Variants in HMCN1 observed in about 807,000 individuals in gnomAD.
HMCN1 encodes hemicentin 1.
A neutral mutation model predicts 625.9 loss-of-function variants in HMCN1; 321 were observed. The ratio of observed to expected loss-of-function variants is 0.51; its 90% CI spans 0.47 to 0.56. The LOEUF is 0.56. HMCN1 is among the 20% of genes least tolerant of loss of function. The pLI, the probability that HMCN1 is intolerant of heterozygous loss-of-function variation, is 0.00. For missense variants in HMCN1, 6,588 were observed against 6,887.3 expected, an observed-to-expected ratio of 0.96 and a Z score of 1.54; for synonymous variants, 2,425 against 2,417.6, an observed-to-expected ratio of 1.00 and a Z score of -0.09.
chr1:186,015,194 G>C lies in HMCN1; in HGVS notation c.4666G>C (p.Asp1556His). The change falls in exon 31 of 107, where the codon GAC becomes CAC. Residue 1556 changes from aspartate to histidine, a missense_variant. By Grantham distance (81) the Asp-to-His change is moderately conservative. Around this residue, in one of 3 missense-constraint regions of HMCN1, gnomAD observed 4,628 missense variants for 4,853.1 expected, o/e 0.95. Transcript: ENST00000271588. ...TATTAAAGGAGGAAATGTCACCACA[G>C]ACATATCAGTATTGATCAACAGCCT... ...PSIKGGNVTTDISVLINSLIK... is the reference protein window; with the variant it reads ...PSIKGGNVTTHISVLINSLIK... The C allele has an allele frequency of 6.2e-7, 1 of 1,613,636 alleles. No individual in the cohort carries two copies.
chr1:185,770,786 G>GA (rs2102145761), intron 1 of HMCN1, among the ~76,000 whole-genome samples: 2 of 152,280 alleles, frequency 1.3e-5, no homozygotes, highest in South Asian at 4.1e-4. Flanking sequence ...ACTATCATTT[G>GA]ATTCCAACTG....
At chr1:185,788,426 G>A (rs961855571) in intron 1 of HMCN1, among the ~76,000 whole-genome samples, 2 of 152,170 alleles carry the variant, frequency 1.3e-5, no homozygotes, top group African/African-American at 4.8e-5. Context: ...TGTAAAACAT[G>A]TGGAACTTGA....
In HMCN1 at chr1:185,911,758, A is replaced by C. The variant is rs2102455477; in HGVS notation, c.878A>C (p.Glu293Ala). The C allele has an allele frequency of 6.2e-7, 1 of 1,612,464 alleles. No homozygotes were observed. The highest frequency in any genetic ancestry group is 8.5e-7 in the Non-Finnish European group (1 of 1,178,648). The change falls in exon 6 of 107, where the codon GAG (glutamate) becomes GCG (alanine). Residue 293 changes from glutamate to alanine, a missense_variant. Around this residue, in one of 3 missense-constraint regions of HMCN1, gnomAD observed 4,628 missense variants for 4,853.1 expected, o/e 0.95. Transcript: ENST00000271588. ...AAAGTAGTGAATGTGAAAGAGCCAGAGGCTGGAATGTGGACAGTGAAGGTA... is the reference window on the plus strand; with the variant it reads ...AAAGTAGTGAATGTGAAAGAGCCAGCGGCTGGAATGTGGACAGTGAAGGTA... ...SAKVVNVKEP[E>A]AGMWTVKTSS...
rs750247429 is a variant in HMCN1 at position 186,074,738 on chromosome 1, C to T, written c.8140-3C>T. On this transcript the variant is annotated splice_region_variant and splice_polypyrimidine_tract_variant and intron_variant, in intron 52 of 106. Coordinates refer to ENST00000271588, the MANE Select transcript of HMCN1 (RefSeq NM_031935.3). ...TGCTAACATTGTTATAATTGAATCA[C>T]AGCCCCTTAAATCCGATGATCATGT... 10 of 1,612,256 alleles carry T rather than the reference C, an allele frequency of 6.2e-6. No individual in the cohort carries two copies. The highest frequency in any genetic ancestry group is 8.5e-6 in the Non-Finnish European group (10 of 1,178,754).
At position 186,039,718 on chromosome 1, in the gene HMCN1, T is replaced by C; in HGVS notation, c.6029-10T>C. 1 of 1,612,766 alleles carries C rather than the reference T, an allele frequency of 6.2e-7. No homozygotes were observed. The highest frequency in any genetic ancestry group is 8.5e-7 in the Non-Finnish European group (1 of 1,178,964). On this transcript the variant is annotated splice_polypyrimidine_tract_variant and intron_variant, in intron 38 of 106. Coordinates refer to ENST00000271588, the MANE Select transcript of HMCN1 (RefSeq NM_031935.3). ...TATTAACGTGTCTTACTTTCATTTG[T>C]TTTTTTCAGTGGCCCCATCAATTTC... is the stretch of plus-strand genomic sequence containing the variant.
intron 1 of HMCN1, among the ~76,000 whole-genome samples, chr1:185,758,497 G>A (rs1003213319): frequency 3.9e-5 from 6 of 152,100 alleles, no homozygotes; most frequent in Non-Finnish European, 5.9e-5. Flanking sequence ...TTAGCTGGGC[G>A]TGGTTGCACA....
At chr1:185,946,498 G>C (rs1668354629) in intron 11 of HMCN1, among the ~76,000 whole-genome samples, 2 of 152,140 alleles carry the variant, frequency 1.3e-5, no homozygotes, top group Admixed American at 1.3e-4. Flanking sequence ...CAAATGGGAA[G>C]GCAAGTCTAA....
chr1:185,756,326 T>C (rs1275518678), intron 1 of HMCN1, among the ~76,000 whole-genome samples: 2 of 152,052 alleles, frequency 1.3e-5, no homozygotes, highest in Non-Finnish European at 1.5e-5. Context: ...CATTGTGTCT[T>C]TAAGTTCACC....
At chr1:186,171,921 T>C (rs1049447911) in intron 101 of HMCN1, 85 bp from the exon 102 acceptor site, 3 of 1,231,088 alleles carry the variant, frequency 2.4e-6, no homozygotes, top group Admixed American at 1.9e-5. Context: ...ATAAATAATA[T>C]CCCTAAAATC....
intron 29 of HMCN1, among the ~76,000 whole-genome samples, chr1:186,004,841 T>C (rs1254939982): frequency 3.3e-5 from 5 of 151,852 alleles, no homozygotes; most frequent in Non-Finnish European, 7.4e-5. Flanking sequence ...ATGGCAAAGA[T>C]GGGAAAGCTG....
rs1654836738 is a variant in HMCN1, at chr1:186,023,250, G to A, written c.5749+97G>A. 4.6e-6 allele frequency: 5 copies of A among 1,098,178 alleles called. No homozygotes were observed. The South Asian group carries it at 5.3e-5, about 12-fold the overall frequency. 68.0% of individuals were successfully genotyped at this position (1,098,178 alleles called of 1,614,324 possible). A position where few individuals can be genotyped will look rare whatever the true frequency, so the allele number is the denominator to read the frequency against. ...ATTGAATTACAGTATAAAAGAAACA[G>A]GTGTTTATTTTCTTAGTCTGTATAA... On this transcript the variant is annotated intron_variant, in intron 36 of 106. Transcript: ENST00000271588.
At chr1:186,099,420 A>T (rs1320642550) in intron 68 of HMCN1, among the ~76,000 whole-genome samples, 1 of 152,138 alleles carries the variant, frequency 6.6e-6, no homozygotes, top group African/African-American at 2.4e-5. Context: ...GATCCTGTAC[A>T]TTCATTATTC....
intron 1 of HMCN1, among the ~76,000 whole-genome samples, chr1:185,820,769 G>A (rs1660135526): frequency 1.3e-5 from 2 of 152,058 alleles, no homozygotes; most frequent in Admixed American, 1.3e-4. Flanking sequence ...AATGTCAATA[G>A]AATATGTAAT....
chr1:185,988,365 C>T (rs1652150151), intron 20 of HMCN1, among the ~76,000 whole-genome samples: 1 of 152,130 alleles, frequency 6.6e-6, no homozygotes, highest in Admixed American at 6.5e-5. Context: ...GAATTTGAAC[C>T]CAGCAAATAC....
At chr1:185,902,701 GT>G (rs1257575548) in intron 4 of HMCN1, among the ~76,000 whole-genome samples, 1 of 151,544 alleles carries the variant, frequency 6.6e-6, no homozygotes, top group East Asian at 1.9e-4. Context: ...ACTAGGGGTT[GT>G]TTTTGTTACT....
In HMCN1 at chr1:185,758,300, C is replaced by T. The variant is rs376390295; in HGVS notation, c.268+23253C>T. Among the ~76,000 whole-genome samples the T allele has an allele frequency of 1.1e-4, 16 of 152,184 alleles. No homozygotes were observed. In the South Asian group the frequency reaches 2.1e-3, roughly 20 times the overall value. On this transcript the variant is annotated intron_variant, in intron 1 of 106. Coordinates refer to ENST00000271588, the MANE Select transcript of HMCN1 (RefSeq NM_031935.3). ...TTTATAGTGGATGTCCTTTTGAAGC[C>T]GGAGGATTACAATTTCCATTCTTGA...
intron 36 of HMCN1, among the ~76,000 whole-genome samples, chr1:186,025,069 G>A (rs940516177): frequency 2.0e-5 from 3 of 152,180 alleles, no homozygotes; most frequent in Admixed American, 2.0e-4. Flanking sequence ...TGGGGGTAAC[G>A]GGAAACAGTG....
chr1:185,979,623 A>G (rs1651477925), intron 16 of HMCN1, among the ~76,000 whole-genome samples: 1 of 152,176 alleles, frequency 6.6e-6, no homozygotes. Context: ...CTAATGTATG[A>G]TTTATTAATG....
intron 105 of HMCN1, among the ~76,000 whole-genome samples, chr1:186,185,813 A>G (rs1653263815): frequency 6.6e-6 from 1 of 152,202 alleles, no homozygotes; most frequent in African/African-American, 2.4e-5. Flanking sequence ...CACAGCTTCC[A>G]TGATAGAAGT....
Sources: gnomAD v4.1 joint callset for allele counts (sites outside exome capture counted in the v4.1 genomes callset) on GRCh38, gnomAD v4.1.1 for gene constraint, gnomAD v4.1.1 regional missense constraint, MANE v1.5 for transcripts, NCBI Gene and HGNC (gene_info 2026-07-23, HGNC 2026-07-21) for gene names.